Variants in HHAT observed in about 807,000 individuals in gnomAD.
HHAT encodes protein-cysteine N-palmitoyltransferase HHAT.
Under a neutral mutation model 70.8 loss-of-function variants are expected in HHAT, and 47 were observed. The observed-to-expected ratio is 0.66, with a 90% CI of 0.53 to 0.85. HHAT has a LOEUF of 0.85. Ranked by LOEUF, HHAT falls within the 40% of genes least tolerant of loss-of-function variation. The pLI is 0.00. For missense variants in HHAT, 609 were observed against 604.8 expected, an observed-to-expected ratio of 1.01 and a Z score of -0.07; for synonymous variants, 228 against 247.6, an observed-to-expected ratio of 0.92 and a Z score of 0.74.
intron 7 of HHAT, among the ~76,000 whole-genome samples, chr1:210,453,697 G>A (rs2093802358): frequency 6.6e-6 from 1 of 152,186 alleles, no homozygotes; most frequent in Non-Finnish European, 1.5e-5. Flanking sequence ...ATCTGAATTT[G>A]TTGGATACTT....
At chr1:210,412,945 C>A (rs898402221) in intron 6 of HHAT, among the ~76,000 whole-genome samples, 5 of 152,204 alleles carry the variant, frequency 3.3e-5, no homozygotes, top group Non-Finnish European at 5.9e-5. Flanking sequence ...ACAGGAGCCA[C>A]CCTTGGGGCA....
At chr1:210,534,945 A>T (rs1373237822) in intron 9 of HHAT, among the ~76,000 whole-genome samples, 1 of 152,102 alleles carries the variant, frequency 6.6e-6, no homozygotes, top group Non-Finnish European at 1.5e-5. Context: ...GATTGGGTTG[A>T]TCTCTCTTTG....
chr1:210,619,623 G>T (rs892726156), intron 10 of HHAT, among the ~76,000 whole-genome samples: 1 of 152,090 alleles, frequency 6.6e-6, no homozygotes, highest in African/African-American at 2.4e-5. Context: ...GGGCAGGACG[G>T]CTCCGTCCTG....
chr1:210,667,082 A>G (rs116373965), intron 11 of HHAT, among the ~76,000 whole-genome samples: 2,078 of 151,692 alleles, frequency 0.014, 59 homozygotes, highest in African/African-American at 0.045. Flanking sequence ...ATCTCAAAAA[A>G]AAAAAAAAAT....
At chr1:210,609,244 C>G (rs1157292054) in intron 10 of HHAT, among the ~76,000 whole-genome samples, 1 of 152,060 alleles carries the variant, frequency 6.6e-6, no homozygotes, top group Non-Finnish European at 1.5e-5. Context: ...CATTTTTAAG[C>G]TATGTCTGCA....
intron 9 of HHAT, among the ~76,000 whole-genome samples, chr1:210,537,357 G>T (rs2095384159): frequency 6.6e-6 from 1 of 152,128 alleles, no homozygotes; most frequent in East Asian, 1.9e-4. Flanking sequence ...AAGGTGGGCT[G>T]CCCTTCCTTG....
At chr1:210,349,774 C>A (rs1237499363) in intron 2 of HHAT, among the ~76,000 whole-genome samples, 1 of 152,010 alleles carries the variant, frequency 6.6e-6, no homozygotes, top group Non-Finnish European at 1.5e-5. Flanking sequence ...CCTCAGCCTC[C>A]TGAGTAGCTG....
intron 9 of HHAT, among the ~76,000 whole-genome samples, chr1:210,544,032 A>G (rs1478231560): frequency 6.6e-6 from 1 of 152,188 alleles, no homozygotes; most frequent in Non-Finnish European, 1.5e-5. Flanking sequence ...GCTGTCTGTA[A>G]GATCCAAGAT....
At chr1:210,596,401 A>C (rs4845061) in intron 10 of HHAT, among the ~76,000 whole-genome samples, 1 of 152,124 alleles carries the variant, frequency 6.6e-6, no homozygotes, top group Non-Finnish European at 1.5e-5. Context: ...TCTCTTTGGA[A>C]AAATGTTCTA....
chr1:210,444,444 T>A lies in HHAT; in HGVS notation c.857-20061T>A, dbSNP rs528479650. On this transcript the variant is annotated intron_variant, in intron 7 of 11. Transcript: ENST00000261458. ...TGGTACCAGTTCCTCCTTGTACCTC[T>A]GGTAGAATTCGGCTGTGAAGCCATC... Among the ~76,000 whole-genome samples, 567 of 141,130 alleles carry A rather than the reference T, an allele frequency of 4.0e-3. 7 individuals carry two copies. The highest frequency in any genetic ancestry group is 7.5e-3 in the Admixed American group (102 of 13,664). The allele number at this position is 141,130 out of a possible 152,430, so 92.6% of individuals were successfully genotyped here. A position where few individuals can be genotyped will look rare whatever the true frequency, so the allele number is the denominator to read the frequency against.
At chr1:210,412,931 G>A (rs1041863870) in intron 6 of HHAT, among the ~76,000 whole-genome samples, 2 of 152,198 alleles carry the variant, frequency 1.3e-5, no homozygotes, top group African/African-American at 4.8e-5. Flanking sequence ...CTGCACTGGG[G>A]CCCACAGGAG....
chr1:210,540,282 T>C (rs914750154), intron 9 of HHAT, among the ~76,000 whole-genome samples: 2 of 152,216 alleles, frequency 1.3e-5, no homozygotes, highest in African/African-American at 4.8e-5. Flanking sequence ...TTCTCCCAGG[T>C]AGCATTTATC....
At chr1:210,601,628 C>G (rs1038362883) in intron 10 of HHAT, among the ~76,000 whole-genome samples, 2 of 152,078 alleles carry the variant, frequency 1.3e-5, no homozygotes, top group African/African-American at 4.8e-5. Flanking sequence ...TTGCACATTA[C>G]TGAAGGACTC....
At chr1:210,463,900 G>A (rs1468922723) in intron 7 of HHAT, among the ~76,000 whole-genome samples, 3 of 152,162 alleles carry the variant, frequency 2.0e-5, no homozygotes, top group Non-Finnish European at 4.4e-5. Flanking sequence ...TTTTGTGGGT[G>A]CATAGTAGAT....
intron 9 of HHAT, among the ~76,000 whole-genome samples, chr1:210,538,554 T>C (rs980053528): frequency 6.6e-6 from 1 of 152,190 alleles, no homozygotes; most frequent in Non-Finnish European, 1.5e-5. Flanking sequence ...AAAGTTCTCT[T>C]TGGAGAACAT....
chr1:210,614,419 ATATT>A (rs1484219746), intron 10 of HHAT, among the ~76,000 whole-genome samples: 3 of 152,002 alleles, frequency 2.0e-5, no homozygotes, highest in African/African-American at 4.8e-5. Context: ...TTTTAAATAT[ATATT>A]TATTATACTT....
At chr1:210,609,084 C>G (rs1183378607) in intron 10 of HHAT, among the ~76,000 whole-genome samples, 1 of 152,136 alleles carries the variant, frequency 6.6e-6, no homozygotes, top group Non-Finnish European at 1.5e-5. Context: ...CTGGTCTCTT[C>G]TTTGACACGT....
At chr1:210,331,936 C>T (rs1355571702) in intron 1 of HHAT, among the ~76,000 whole-genome samples, 1 of 152,190 alleles carries the variant, frequency 6.6e-6, no homozygotes, top group Non-Finnish European at 1.5e-5. Context: ...AACTCAAACT[C>T]CGGCCAGTGA....
intron 9 of HHAT, among the ~76,000 whole-genome samples, chr1:210,565,036 C>G (rs1257805116): frequency 6.6e-6 from 1 of 152,068 alleles, no homozygotes; most frequent in Non-Finnish European, 1.5e-5. Context: ...AAGAACCAGT[C>G]AGATAAGTTG....
Sources: gnomAD v4.1 joint callset for allele counts (sites outside exome capture counted in the v4.1 genomes callset) on GRCh38, gnomAD v4.1.1 for gene constraint, MANE v1.5 for transcripts, NCBI Gene and HGNC (gene_info 2026-07-23, HGNC 2026-07-21) for gene names.